The following PLCB1 variants were observed in gnomAD, a reference collection of about 807,000 sequenced individuals.
PLCB1 encodes the protein phospholipase C beta 1.
In PLCB1, 46 loss-of-function variants were observed where a neutral mutation model predicts 161.8. The ratio of observed to expected loss-of-function variants is 0.28; its 90% CI spans 0.22 to 0.36. The LOEUF (loss-of-function observed/expected upper bound fraction) is 0.36. Among genes scored for constraint, PLCB1 ranks in the 10% least tolerant of loss-of-function variants. The pLI is 1.00. For missense variants in PLCB1, 1,016 were observed against 1,472.5 expected (o/e 0.69, Z 5.07); for synonymous variants, 517 against 503.7 (o/e 1.03, Z -0.35).
In PLCB1 at chr20:8,758,630, G is replaced by A. The variant is rs1362058002; in HGVS notation, c.2656+1452G>A. Reference sequence around the variant, plus strand: ...AAGTCAATAATAGTAAGAAGATGACGTTATAAACAAGAAGTAAATTTTCAA... The same window carrying A: ...AAGTCAATAATAGTAAGAAGATGACATTATAAACAAGAAGTAAATTTTCAA... On this transcript the variant is annotated intron_variant, in intron 24 of 31. Coordinates refer to ENST00000338037, the MANE Select transcript of PLCB1 (RefSeq NM_015192.4). 3.3e-5 allele frequency among the ~76,000 whole-genome samples: 5 copies of A among 151,866 alleles called. 1 individual carries two copies. The South Asian group carries it at 6.2e-4, about 19-fold the overall frequency.
intron 31 of PLCB1, among the ~76,000 whole-genome samples, chr20:8,803,847 G>A (rs966149904): frequency 2.6e-5 from 4 of 151,986 alleles, no homozygotes; most frequent in African/African-American, 4.8e-5. Context: ...AGGCTGGAGT[G>A]GAATGGCGCA....
At chr20:8,283,548 A>G (rs1982977556) in intron 2 of PLCB1, among the ~76,000 whole-genome samples, 1 of 137,220 alleles carries the variant, frequency 7.3e-6, no homozygotes, top group Non-Finnish European at 1.6e-5. Context: ...TATACTTATA[A>G]TAAATAAATA....
intron 3 of PLCB1, among the ~76,000 whole-genome samples, chr20:8,601,197 A>G (rs1987576246): frequency 6.6e-6 from 1 of 152,210 alleles, no homozygotes; most frequent in Non-Finnish European, 1.5e-5. Context: ...CATGCCAAAG[A>G]AGTAGAGAGA....
At position 8,545,100 on chromosome 20, in the gene PLCB1, TA is replaced by T. The variant is rs748016357; in HGVS notation, c.247-83192del. Among the ~76,000 whole-genome samples, 153 of 152,312 alleles carry T rather than the reference TA, an allele frequency of 1.0e-3. 1 individual carries two copies. Among genetic ancestry groups the T allele is most frequent in the Middle Eastern group, 6.8e-3 (2 of 294 alleles). On this transcript the variant is annotated intron_variant, in intron 3 of 31. Transcript: ENST00000338037. ...AATGCAAAGCCATATGTGGAAACTATAAGACAAAAATTAACGCAATGGAGTT... is the reference window on the plus strand; with the variant it reads ...AATGCAAAGCCATATGTGGAAACTATAGACAAAAATTAACGCAATGGAGTT...
intron 3 of PLCB1, among the ~76,000 whole-genome samples, chr20:8,511,014 A>T (rs1468119821): frequency 6.6e-6 from 1 of 152,012 alleles, no homozygotes; most frequent in East Asian, 1.9e-4. Flanking sequence ...TAAAATCTGC[A>T]CTGTTAGCAA....
chr20:8,154,733 C>G (rs2051542278), intron 2 of PLCB1, among the ~76,000 whole-genome samples: 1 of 152,046 alleles, frequency 6.6e-6, no homozygotes, highest in Non-Finnish European at 1.5e-5. Flanking sequence ...TTCAGTTTTT[C>G]CTTACATGGA....
chr20:8,199,793 T>A (rs932230377), intron 2 of PLCB1, among the ~76,000 whole-genome samples: 1 of 152,142 alleles, frequency 6.6e-6, no homozygotes, highest in Admixed American at 6.6e-5. Flanking sequence ...ATTTAATATG[T>A]GATAATGCAA....
At chr20:8,284,413 G>A (rs753993067) in intron 2 of PLCB1, among the ~76,000 whole-genome samples, 86 of 151,942 alleles carry the variant, frequency 5.7e-4, no homozygotes, top group Non-Finnish European at 9.0e-4. Flanking sequence ...GTGACATAAC[G>A]TGTAAGAGTG....
At chr20:8,812,566 G>A (rs967549836) in intron 31 of PLCB1, among the ~76,000 whole-genome samples, 2 of 152,128 alleles carry the variant, frequency 1.3e-5, no homozygotes, top group Admixed American at 1.3e-4. Context: ...GCCCCAAATG[G>A]CCAGCAGTCT....
chr20:8,585,389 G>A (rs993903963), intron 3 of PLCB1, among the ~76,000 whole-genome samples: 2 of 152,186 alleles, frequency 1.3e-5, no homozygotes, highest in African/African-American at 2.4e-5. Flanking sequence ...GCTCAGAAGA[G>A]GTCACAGTTT....
chr20:8,615,949 A>G (rs944126867), intron 3 of PLCB1, among the ~76,000 whole-genome samples: 12 of 151,894 alleles, frequency 7.9e-5, no homozygotes, highest in African/African-American at 2.9e-4. Flanking sequence ...CTCCTCCCCA[A>G]CAGGGTCCTT....
chr20:8,658,419 G>A, intron 8 of PLCB1, 119 bp from the exon 9 acceptor site: 1 of 729,666 alleles, frequency 1.4e-6, no homozygotes. Context: ...CAAGATAGGA[G>A]TTTCAATATA....
chr20:8,418,360 C>T (rs1979390376), intron 3 of PLCB1, among the ~76,000 whole-genome samples: 1 of 152,172 alleles, frequency 6.6e-6, no homozygotes, highest in African/African-American at 2.4e-5. Context: ...CCAGCCCAAC[C>T]TTCAGGCCAC....
At chr20:8,676,674 G>A (rs1433156665) in intron 9 of PLCB1, among the ~76,000 whole-genome samples, 1 of 128,606 alleles carries the variant, frequency 7.8e-6, no homozygotes, top group Non-Finnish European at 1.6e-5. Flanking sequence ...AGATCCCTCT[G>A]CAGTGATGCC....
At chr20:8,852,978 T>A (rs1348091202) in intron 31 of PLCB1, among the ~76,000 whole-genome samples, 2 of 152,184 alleles carry the variant, frequency 1.3e-5, no homozygotes, top group Non-Finnish European at 2.9e-5. Context: ...ATTGGGGACA[T>A]GAGTGTCAGG....
intron 3 of PLCB1, among the ~76,000 whole-genome samples, chr20:8,556,119 C>T (rs1399365304): frequency 6.6e-6 from 1 of 151,896 alleles, no homozygotes; most frequent in Non-Finnish European, 1.5e-5. Flanking sequence ...ATATATATTT[C>T]CCATCCTGGC....
At chr20:8,682,238 C>T (rs61432459) in intron 9 of PLCB1, among the ~76,000 whole-genome samples, 7,277 of 152,210 alleles carry the variant, frequency 0.048, 566 homozygotes, top group African/African-American at 0.17. Flanking sequence ...CAGCGGCTCA[C>T]GCCTGTAACC....
intron 31 of PLCB1, among the ~76,000 whole-genome samples, chr20:8,850,371 G>T (rs1201303557): frequency 1.3e-5 from 2 of 152,210 alleles, no homozygotes; most frequent in Non-Finnish European, 2.9e-5. Flanking sequence ...TGGATGAAGA[G>T]GAACATCCAG....
intron 31 of PLCB1, chr20:8,792,536 T>C (rs1983809519): frequency 2.1e-6 from 1 of 470,928 alleles, no homozygotes; most frequent in Admixed American, 2.4e-5. Context: ...ATCTGAAGTG[T>C]TTCTATGAAT....
Sources: allele counts gnomAD v4.1 joint callset (sites outside exome capture counted in the v4.1 genomes callset), GRCh38; gene constraint gnomAD v4.1.1; transcripts MANE v1.5; gene names NCBI Gene and HGNC (gene_info 2026-07-23, HGNC 2026-07-21).